Variants in BICRA observed in about 807,000 individuals in gnomAD.
The protein encoded by BICRA is BRD4 interacting chromatin remodeling complex associated protein.
In BICRA, 31 loss-of-function variants were observed where a neutral mutation model predicts 96.9. The ratio of observed to expected loss-of-function variants is 0.32; its 90% CI spans 0.24 to 0.43. The LOEUF (loss-of-function observed/expected upper bound fraction) is 0.43, where lower values mean the gene tolerates loss of function less well. Ranked by LOEUF, BICRA falls within the 20% of genes least tolerant of loss-of-function variation. BICRA has a pLI of 1.00. For synonymous variants in BICRA, 1,350 were observed against 1,071.8 expected (o/e 1.26, Z -5.07); for missense variants, 2,283 against 2,190.3 (o/e 1.04, Z -0.84).
chr19:47,639,195 A>G lies in BICRA; in HGVS notation c.-108+30027A>G, dbSNP rs561480781. Among the ~76,000 whole-genome samples, 14 of 150,968 alleles carry G rather than the reference A, an allele frequency of 9.3e-5. No individual in the cohort carries two copies. The South Asian group carries it at 2.9e-3, about 32-fold the overall frequency. On this transcript the variant is annotated intron_variant, in intron 1 of 14. Coordinates refer to ENST00000594866, the MANE Select transcript of BICRA (RefSeq NM_001394372.1). ...ATTTTTTTTCATATTTTTTGTAGAG[A>G]TGAGGTTTCATCATGTTGCCCAGGC...
chr19:47,698,765 C>T lies in BICRA; in HGVS notation c.3380C>T (p.Pro1127Leu). The change falls in exon 12 of 15, where the codon CCC (proline) becomes CTC (leucine). Residue 1127 changes from proline to leucine, a missense_variant. Pro to Leu is a moderately conservative substitution (Grantham distance 98). Coordinates refer to ENST00000594866, the MANE Select transcript of BICRA (RefSeq NM_001394372.1). The surrounding 1 kb of genome is among the most constrained non-coding windows in gnomAD (Gnocchi z 4.8). ...GTCTACCAGGGCGCCCTCCCCTCCC[C>T]CAGTGACTACCACAAAGGTGAGGCC... ...YHVYQGALPS[P>L]SDYHKVDEEF... 6.2e-7 allele frequency: 1 copy of T among 1,606,556 alleles called. No individual in the cohort carries two copies. The highest frequency in any genetic ancestry group is 1.1e-5 in the South Asian group (1 of 90,066).
At chr19:47,695,569 C>A in intron 10 of BICRA, 95 bp downstream of exon 10, 2 of 671,136 alleles carry the variant, frequency 3.0e-6, no homozygotes, top group East Asian at 2.7e-5. Context: ...CTGGAAGACG[C>A]GGACAGGATG....
At position 47,702,176 on chromosome 19, in the gene BICRA, G is replaced by A. The variant is rs752976389; in HGVS notation, c.4444G>A (p.Val1482Met). The A allele has an allele frequency of 9.7e-5, 153 of 1,583,432 alleles. 1 individual carries two copies. Among genetic ancestry groups the A allele is most frequent in the Non-Finnish European group, 1.2e-4 (141 of 1,171,564 alleles). The stretch of plus-strand genomic sequence containing the variant: ...GCGGCGCAAGTCCGAGTCGCCCGAC[G>A]TGGACCAGGCCAGCTTCTCCAGCGA... ...AKRRKSESPD[V>M]DQASFSSDSP... Residue 1482 changes from valine (V) to methionine (M), a missense_variant, in exon 15 of 15, where the codon GTG becomes ATG. Coordinates refer to ENST00000594866, the MANE Select transcript of BICRA (RefSeq NM_001394372.1).
intron 7 of BICRA, among the ~76,000 whole-genome samples, chr19:47,685,778 T>TGCGCGCGCGC (rs1297376745): frequency 2.3e-5 from 3 of 131,646 alleles, no homozygotes; most frequent in Admixed American, 7.8e-5. Flanking sequence ...TGTGTGTGTG[T>TGCGCGCGCGC]GTGTGTGTGC....
intron 1 of BICRA, among the ~76,000 whole-genome samples, chr19:47,609,637 T>C (rs1971866873): frequency 6.8e-6 from 1 of 147,096 alleles, no homozygotes. Flanking sequence ...CCCCCTCCCC[T>C]CGCCCCGCTC....
Position 47,701,641 on chromosome 19 carries a change from G to C in BICRA, c.3909G>C (p.Arg1303=). 6.3e-7 allele frequency: 1 copy of C among 1,591,856 alleles called. No homozygotes were observed. Among genetic ancestry groups the C allele is most frequent in the Non-Finnish European group, 8.5e-7 (1 of 1,170,580 alleles). ...NRPPIKTYEA[R]SRIGLKLKIK... is the part of the protein sequence containing the mutation. ...CGCCCATCAAGACCTACGAGGCCCG[G>C]AGCCGCATCGGGCTCAAGCTCAAGA... Residue 1303 remains arginine (R), a synonymous_variant, in exon 15 of 15, where the codon CGG becomes CGC. Coordinates refer to ENST00000594866, the MANE Select transcript of BICRA (RefSeq NM_001394372.1). This position sits in a 1 kb window ranked among gnomAD's most constrained non-coding sequence, Gnocchi z 5.4.
At chr19:47,611,636 G>A (rs921419400) in intron 1 of BICRA, among the ~76,000 whole-genome samples, 1 of 152,194 alleles carries the variant, frequency 6.6e-6, no homozygotes, top group Non-Finnish European at 1.5e-5. Context: ...GCCCTTTGAT[G>A]CAGCTAGCGG....
intron 1 of BICRA, among the ~76,000 whole-genome samples, chr19:47,622,762 G>A (rs1599786113): frequency 6.7e-6 from 1 of 149,356 alleles, no homozygotes. Flanking sequence ...GGAGTGGGCC[G>A]GGTGCGGTGG....
chr19:47,658,825 T>A (rs1549284), intron 1 of BICRA, among the ~76,000 whole-genome samples: 49,379 of 151,784 alleles, frequency 0.33, 8,620 homozygotes, highest in East Asian at 0.59. Flanking sequence ...CGTGCGCACG[T>A]CTTGGGGAAC....
At chr19:47,631,654 C>T (rs551039607) in intron 1 of BICRA, among the ~76,000 whole-genome samples, 7 of 152,134 alleles carry the variant, frequency 4.6e-5, no homozygotes, top group East Asian at 3.9e-4. Context: ...TGTGAGCCAC[C>T]GCACTCGGCC....
Position 47,681,116 on chromosome 19 carries a change from A to G in BICRA, c.1946A>G (p.Gln649Arg). The G allele has an allele frequency of 3.5e-6, 5 of 1,422,858 alleles. No homozygotes were observed. Among genetic ancestry groups the G allele is most frequent in the Non-Finnish European group, 3.7e-6 (4 of 1,072,650 alleles). 88.1% of individuals were successfully genotyped at this position (1,422,858 alleles called of 1,614,324 possible). ...LQQPQAQQPPQAPTPQAAAPP... is the reference protein window; with the variant it reads ...LQQPQAQQPPRAPTPQAAAPP... Reference sequence around the variant, plus strand: ...CAGCCGCAGGCGCAGCAGCCCCCGCAGGCCCCCACCCCACAGGCCGCCGCC... The same window carrying G: ...CAGCCGCAGGCGCAGCAGCCCCCGCGGGCCCCCACCCCACAGGCCGCCGCC... The change falls in exon 6 of 15, where the codon CAG (glutamine) becomes CGG (arginine). Residue 649 changes from glutamine to arginine, a missense_variant. By Grantham distance (43) the Gln-to-Arg change is conservative (BLOSUM62 1). Coordinates refer to ENST00000594866, the MANE Select transcript of BICRA (RefSeq NM_001394372.1).
intron 5 of BICRA, among the ~76,000 whole-genome samples, chr19:47,676,599 C>T (rs1972945722): frequency 3.0e-5 from 3 of 98,744 alleles, no homozygotes; most frequent in Admixed American, 2.1e-4. Flanking sequence ...CTTCCTCCTT[C>T]CCCCCCTCAC....
At chr19:47,644,339 T>G (rs768807735) in intron 1 of BICRA, among the ~76,000 whole-genome samples, 4 of 151,820 alleles carry the variant, frequency 2.6e-5, no homozygotes, top group African/African-American at 4.8e-5. Context: ...TTCACCAACT[T>G]TTAATATTTT....
At chr19:47,692,278 G>A (rs1024697647) in intron 7 of BICRA, among the ~76,000 whole-genome samples, 49 of 151,978 alleles carry the variant, frequency 3.2e-4, no homozygotes, top group African/African-American at 1.2e-3. Flanking sequence ...CCAGGCTGGA[G>A]TGCAGTGGCG....
intron 1 of BICRA, among the ~76,000 whole-genome samples, chr19:47,637,552 TATC>T (rs1322989169): frequency 6.6e-6 from 1 of 152,224 alleles, no homozygotes; most frequent in African/African-American, 2.4e-5. Context: ...ATAATTCACA[TATC>T]ATAAAATCCA....
chr19:47,674,380 T>C (rs767548413), intron 4 of BICRA, among the ~76,000 whole-genome samples: 1 of 151,072 alleles, frequency 6.6e-6, no homozygotes, highest in Non-Finnish European at 1.5e-5. Context: ...GCAGCTCTGA[T>C]GGGCCCTTAA....
intron 1 of BICRA, among the ~76,000 whole-genome samples, chr19:47,667,173 C>T (rs763108708): frequency 7.2e-5 from 11 of 152,162 alleles, no homozygotes; most frequent in Non-Finnish European, 1.6e-4. Context: ...CGCCCACCCC[C>T]ACGCCGGGCT....
chr19:47,686,169 G>T (rs1038194633), intron 7 of BICRA, among the ~76,000 whole-genome samples: 1 of 152,112 alleles, frequency 6.6e-6, no homozygotes, highest in Non-Finnish European at 1.5e-5. Context: ...TACCTCAGGT[G>T]ATCTGTCTGC....
chr19:47,610,706 G>A (rs1052610031), intron 1 of BICRA, among the ~76,000 whole-genome samples: 1 of 152,022 alleles, frequency 6.6e-6, no homozygotes, highest in African/African-American at 2.4e-5. Flanking sequence ...GCACTTGAAA[G>A]GGAAACTAGA....
Sources: allele counts gnomAD v4.1 joint callset (sites outside exome capture counted in the v4.1 genomes callset), GRCh38; gene constraint gnomAD v4.1.1; non-coding constraint Gnocchi (gnomAD v3.1); transcripts MANE v1.5; gene names NCBI Gene and HGNC (gene_info 2026-07-23, HGNC 2026-07-21).